Variants in ARHGEF7 observed in about 807,000 individuals in gnomAD.
The protein encoded by ARHGEF7 is Rho guanine nucleotide exchange factor 7.
In ARHGEF7, 33 loss-of-function variants were observed where a neutral mutation model predicts 109.8. The ratio of observed to expected loss-of-function variants is 0.30; its 90% CI spans 0.23 to 0.40. The LOEUF (loss-of-function observed/expected upper bound fraction) is 0.40. Among genes scored for constraint, ARHGEF7 ranks in the 10% least tolerant of loss-of-function variants. The pLI is 1.00. For missense variants in ARHGEF7, 938 were observed against 1,098.5 expected (o/e 0.85, Z 2.07); for synonymous variants, 458 against 424.6 (o/e 1.08, Z -0.97).
intron 1 of ARHGEF7, among the ~76,000 whole-genome samples, chr13:111,127,830 T>C (rs1487738439): frequency 6.6e-6 from 1 of 151,968 alleles, no homozygotes; most frequent in Admixed American, 6.6e-5. Context: ...CTTCAAAAAA[T>C]TTAGCAAATC....
rs143813276 is a variant in ARHGEF7 at position 111,158,071 on chromosome 13, G to C, written c.252+4080G>C. Among the ~76,000 whole-genome samples the C allele has an allele frequency of 7.9e-5, 12 of 152,264 alleles. No individual in the cohort carries two copies. The East Asian group carries it at 2.3e-3, about 29-fold the overall frequency. On this transcript the variant is annotated intron_variant, in intron 2 of 21. Transcript: ENST00000646102. ...ACATTATTAAGCTCACATTAATAAC[G>C]TGGTTTCAGGAATATTAGCAACAAA... is the stretch of plus-strand genomic sequence containing the variant.
intron 1 of ARHGEF7, among the ~76,000 whole-genome samples, chr13:111,135,105 G>A (rs2075019838): frequency 6.6e-6 from 1 of 152,170 alleles, no homozygotes; most frequent in South Asian, 2.1e-4. Flanking sequence ...AGATCAGATA[G>A]TTGTAGATGT....
At chr13:111,140,321 T>TCA (rs1336968138) in intron 1 of ARHGEF7, among the ~76,000 whole-genome samples, 6 of 152,202 alleles carry the variant, frequency 3.9e-5, no homozygotes, top group Admixed American at 3.9e-4. Flanking sequence ...TTACCAGTGA[T>TCA]ATGTGTCATG....
intron 1 of ARHGEF7, among the ~76,000 whole-genome samples, chr13:111,122,229 CG>C (rs1163493046): frequency 6.6e-6 from 1 of 152,078 alleles, no homozygotes; most frequent in Non-Finnish European, 1.5e-5. Flanking sequence ...GGTTGGGGAG[CG>C]GGAGGGCTGA....
At chr13:111,287,229 A>G (rs2093057288) in intron 17 of ARHGEF7, among the ~76,000 whole-genome samples, 3 of 152,322 alleles carry the variant, frequency 2.0e-5, no homozygotes, top group African/African-American at 7.2e-5. Flanking sequence ...CCTGACCACC[A>G]GGGCCCCTGA....
intron 18 of ARHGEF7, among the ~76,000 whole-genome samples, chr13:111,289,501 C>A (rs892944666): frequency 2.6e-5 from 4 of 152,230 alleles, no homozygotes; most frequent in African/African-American, 9.6e-5. Flanking sequence ...ACAGGTGGTC[C>A]TTTTGAGAAC....
intron 5 of ARHGEF7, among the ~76,000 whole-genome samples, chr13:111,230,175 A>C (rs953579231): frequency 1.3e-5 from 2 of 152,110 alleles, no homozygotes; most frequent in African/African-American, 4.8e-5. Context: ...AGTTTATTTT[A>C]AGAAAGGGAA....
At chr13:111,143,023 G>A (rs2075420678) in intron 1 of ARHGEF7, among the ~76,000 whole-genome samples, 1 of 151,284 alleles carries the variant, frequency 6.6e-6, no homozygotes, top group South Asian at 2.1e-4. Flanking sequence ...GTGTGGAGCT[G>A]GGTGGCAGTA....
At position 111,115,546 on chromosome 13, in the gene ARHGEF7, C is replaced by G. The variant is rs1406023413; in HGVS notation, c.20C>G (p.Thr7Ser). The change falls in exon 1 of 22, where the codon ACC becomes AGC. Residue 7 changes from threonine to serine, a missense_variant. Thr to Ser is a moderately conservative substitution (Grantham distance 58, BLOSUM62 1). Around this residue, in one of 4 missense-constraint regions of ARHGEF7, gnomAD observed 165 missense variants for 125.8 expected, o/e 1.31. Transcript: ENST00000646102. MNSAEQ[T>S]VTWLITLGVL... The stretch of plus-strand genomic sequence containing the variant: ...GCAGCGATGAATTCCGCCGAGCAAA[C>G]CGTTACGTGGCTCATCACTCTGGGG... 4 of 1,399,710 alleles carry G rather than the reference C, an allele frequency of 2.9e-6. No individual in the cohort carries two copies. Among genetic ancestry groups the G allele is most frequent in the Non-Finnish European group, 3.8e-6 (4 of 1,057,494 alleles). The allele number at this position is 1,399,710 out of a possible 1,614,324, so 86.7% of individuals were successfully genotyped here. A position where few individuals can be genotyped will look rare whatever the true frequency, so the allele number is the denominator to read the frequency against.
chr13:111,121,069 G>A (rs1236956916), intron 1 of ARHGEF7, among the ~76,000 whole-genome samples: 1 of 152,202 alleles, frequency 6.6e-6, no homozygotes, highest in Non-Finnish European at 1.5e-5. Context: ...AGGACTGGAG[G>A]GGCTGGCTCA....
At chr13:111,205,188 G>C in intron 2 of ARHGEF7, 101 bp from the exon 3 acceptor site, 2 of 867,320 alleles carry the variant, frequency 2.3e-6, no homozygotes, top group Non-Finnish European at 3.6e-6. Flanking sequence ...GGTCTCCTTA[G>C]GATTTCAGGC....
chr13:111,165,162 C>G (rs960326453), intron 2 of ARHGEF7, among the ~76,000 whole-genome samples: 7 of 152,178 alleles, frequency 4.6e-5, no homozygotes, highest in Non-Finnish European at 8.8e-5. Context: ...AGGATGGGCA[C>G]TGGGACTGTA....
At chr13:111,263,887 T>A (rs1275175270) in intron 8 of ARHGEF7, among the ~76,000 whole-genome samples, 2 of 152,250 alleles carry the variant, frequency 1.3e-5, no homozygotes, top group African/African-American at 4.8e-5. Context: ...TTTACTTCTG[T>A]ACAAAATGAT....
intron 13 of ARHGEF7, among the ~76,000 whole-genome samples, chr13:111,279,501 C>G (rs1453664407): frequency 6.6e-6 from 1 of 152,252 alleles, no homozygotes; most frequent in East Asian, 1.9e-4. Flanking sequence ...TATGTAGAAT[C>G]CTGCTCCGCA....
chr13:111,212,061 G>A (rs2082565517), intron 4 of ARHGEF7, among the ~76,000 whole-genome samples: 1 of 152,164 alleles, frequency 6.6e-6, no homozygotes, highest in Non-Finnish European at 1.5e-5. Flanking sequence ...GTGTAAGAAT[G>A]TGTCCTCCAG....
chr13:111,267,509 A>T, intron 8 of ARHGEF7, 39 bp from the exon 9 acceptor site: 1 of 1,611,510 alleles, frequency 6.2e-7, no homozygotes, highest in African/African-American at 1.3e-5. Flanking sequence ...CCTGTCTGTA[A>T]AACTGATGAC....
chr13:111,183,951 C>T (rs1053832493), intron 2 of ARHGEF7, among the ~76,000 whole-genome samples: 2 of 152,018 alleles, frequency 1.3e-5, no homozygotes, highest in African/African-American at 4.8e-5. Context: ...GCGGGTGGGA[C>T]TGCATTTTTT....
intron 20 of ARHGEF7, among the ~76,000 whole-genome samples, chr13:111,301,073 C>T (rs991993581): frequency 1.3e-5 from 2 of 152,056 alleles, no homozygotes; most frequent in African/African-American, 4.8e-5. Context: ...CTCAGCCTCC[C>T]GAGTAGCTGG....
chr13:111,241,478 G>T, intron 6 of ARHGEF7: 2 of 824,204 alleles, frequency 2.4e-6, no homozygotes, highest in Non-Finnish European at 3.8e-6. Flanking sequence ...GCATTGTTTG[G>T]TTGGGAGTAA....
Sources: allele counts gnomAD v4.1 joint callset (sites outside exome capture counted in the v4.1 genomes callset), GRCh38; gene constraint gnomAD v4.1.1; regional missense constraint gnomAD v4.1.1; transcripts MANE v1.5; gene names NCBI Gene and HGNC (gene_info 2026-07-23, HGNC 2026-07-21).